The following ZMIZ1 variants were observed in gnomAD, a reference collection of about 807,000 sequenced individuals.
The protein encoded by ZMIZ1 is zinc finger MIZ-type containing 1.
Under a neutral mutation model 113.9 loss-of-function variants are expected in ZMIZ1, and 17 were observed. The observed-to-expected ratio is 0.15, with a 90% CI of 0.10 to 0.22. The LOEUF is 0.22. ZMIZ1 is among the 10% of genes least tolerant of loss of function. ZMIZ1 has a pLI of 1.00. For missense variants in ZMIZ1, 1,059 were observed against 1,477.8 expected, an observed-to-expected ratio of 0.72 and a Z score of 4.65; for synonymous variants, 607 against 603.1, an observed-to-expected ratio of 1.01 and a Z score of -0.09.
intron 3 of ZMIZ1, among the ~76,000 whole-genome samples, chr10:79,149,756 T>G (rs1845637402): frequency 6.6e-6 from 1 of 152,216 alleles, no homozygotes; most frequent in Admixed American, 6.5e-5. Flanking sequence ...TTGGCCTTGG[T>G]TCACTCTTCC....
intron 7 of ZMIZ1, among the ~76,000 whole-genome samples, chr10:79,255,179 C>T (rs1589499401): frequency 6.6e-6 from 1 of 152,220 alleles, no homozygotes; most frequent in South Asian, 2.1e-4. Flanking sequence ...CCACTGAGCT[C>T]ACGACACTGC....
At chr10:79,216,656 G>C (rs1343102202) in intron 7 of ZMIZ1, among the ~76,000 whole-genome samples, 1 of 152,190 alleles carries the variant, frequency 6.6e-6, no homozygotes, top group East Asian at 1.9e-4. Context: ...AAACACAGAG[G>C]AGATTTCCCA....
chr10:79,175,433 C>G (rs1347948943), intron 4 of ZMIZ1, among the ~76,000 whole-genome samples: 1 of 152,202 alleles, frequency 6.6e-6, no homozygotes, highest in Non-Finnish European at 1.5e-5. Context: ...TCGTGTCTCT[C>G]ACTTGGGTTT....
At chr10:79,246,174 T>C (rs1589479382) in intron 7 of ZMIZ1, among the ~76,000 whole-genome samples, 1 of 152,242 alleles carries the variant, frequency 6.6e-6, no homozygotes, top group East Asian at 1.9e-4. Context: ...AGCAAGAGGG[T>C]GGCATGAGTC....
intron 7 of ZMIZ1, among the ~76,000 whole-genome samples, chr10:79,244,101 G>C (rs1023244969): frequency 1.3e-5 from 2 of 152,256 alleles, no homozygotes; most frequent in Non-Finnish European, 2.9e-5. Context: ...GGATGCCTTC[G>C]GAGGCAGCGC....
intron 4 of ZMIZ1, among the ~76,000 whole-genome samples, chr10:79,189,520 T>C (rs1302811422): frequency 1.3e-5 from 2 of 152,192 alleles, no homozygotes; most frequent in Non-Finnish European, 2.9e-5. Context: ...CTGTTGTTAT[T>C]ATTTATAGAT....
At chr10:79,137,646 G>A (rs11002847) in intron 2 of ZMIZ1, among the ~76,000 whole-genome samples, 1,830 of 152,298 alleles carry the variant, frequency 0.012, 38 homozygotes, top group African/African-American at 0.042. Context: ...ACCCAGAATG[G>A]TCCTTGCCCT....
chr10:79,199,003 C>A (rs111873454), intron 4 of ZMIZ1, among the ~76,000 whole-genome samples: 11 of 150,278 alleles, frequency 7.3e-5, no homozygotes, highest in African/African-American at 2.7e-4. Context: ...CATTGCACTC[C>A]GCCTGGGCAA....
At chr10:79,254,158 G>A (rs916603235) in intron 7 of ZMIZ1, among the ~76,000 whole-genome samples, 9 of 152,194 alleles carry the variant, frequency 5.9e-5, no homozygotes, top group Non-Finnish European at 8.8e-5. Flanking sequence ...TTTTCCAGCC[G>A]CTTCCTAGCA....
intron 7 of ZMIZ1, among the ~76,000 whole-genome samples, chr10:79,239,694 A>G (rs1849730716): frequency 6.6e-6 from 1 of 152,062 alleles, no homozygotes; most frequent in African/African-American, 2.4e-5. Context: ...GCCTCCCACT[A>G]TGCAAAGCCT....
At chr10:79,288,244 GC>G (rs1489576830) in intron 8 of ZMIZ1, among the ~76,000 whole-genome samples, 3 of 152,232 alleles carry the variant, frequency 2.0e-5, no homozygotes, top group African/African-American at 7.2e-5. Flanking sequence ...TCCGCTGCCT[GC>G]GGGTCATGCA....
chr10:79,262,933 C>T (rs1052383971), intron 7 of ZMIZ1, among the ~76,000 whole-genome samples: 1 of 152,056 alleles, frequency 6.6e-6, no homozygotes, highest in Middle Eastern at 3.2e-3. Flanking sequence ...CTGGGTTTCT[C>T]GGAAAAGGAA....
chr10:79,204,796 A>C (rs374034520), intron 5 of ZMIZ1, among the ~76,000 whole-genome samples: 7 of 152,306 alleles, frequency 4.6e-5, no homozygotes, highest in Admixed American at 3.3e-4. Context: ...ACGTGTATAG[A>C]TGATGAATGG....
chr10:79,079,571 T>C (rs1389359410), intron 1 of ZMIZ1, among the ~76,000 whole-genome samples: 1 of 152,222 alleles, frequency 6.6e-6, no homozygotes, highest in African/African-American at 2.4e-5. Context: ...GACATGTTCC[T>C]GGCAAGGAAA....
intron 4 of ZMIZ1, among the ~76,000 whole-genome samples, chr10:79,193,424 GTC>G (rs1847691642): frequency 6.6e-6 from 1 of 152,198 alleles, no homozygotes; most frequent in Non-Finnish European, 1.5e-5. Context: ...GGTAACCAGT[GTC>G]TCTCTGAGTC....
At chr10:79,239,567 C>T (rs1048559661) in intron 7 of ZMIZ1, among the ~76,000 whole-genome samples, 2 of 152,194 alleles carry the variant, frequency 1.3e-5, no homozygotes, top group Non-Finnish European at 2.9e-5. Context: ...CTCTGTGTCT[C>T]AGAACCCAGC....
intron 3 of ZMIZ1, among the ~76,000 whole-genome samples, chr10:79,142,838 G>A (rs1845331110): frequency 1.3e-5 from 2 of 152,190 alleles, no homozygotes; most frequent in Admixed American, 6.5e-5. Context: ...AAAACGCAGG[G>A]CTCCAGGTGG....
intron 2 of ZMIZ1, among the ~76,000 whole-genome samples, chr10:79,131,445 G>C (rs187945146): frequency 6.6e-6 from 1 of 151,946 alleles, no homozygotes; most frequent in African/African-American, 2.4e-5. Flanking sequence ...TGTTTGCCTC[G>C]GTCCCTTCCC....
chr10:79,184,279 T>C (rs1201742679), intron 4 of ZMIZ1, among the ~76,000 whole-genome samples: 2 of 152,102 alleles, frequency 1.3e-5, no homozygotes, highest in African/African-American at 4.8e-5. Flanking sequence ...TGCCCCTGCC[T>C]CTCCTTCCAC....
Sources: gnomAD v4.1 joint callset for allele counts (sites outside exome capture counted in the v4.1 genomes callset) on GRCh38, gnomAD v4.1.1 for gene constraint, MANE v1.5 for transcripts, NCBI Gene and HGNC (gene_info 2026-07-23, HGNC 2026-07-21) for gene names.